Variants in WNT2B observed in about 807,000 individuals in gnomAD.
WNT2B encodes Wnt family member 2B.
WNT2B carries 19 observed loss-of-function variants against 40.5 expected under a neutral mutation model. The observed-to-expected ratio is 0.47, with a 90% CI of 0.33 to 0.69. The LOEUF is 0.69. Among genes scored for constraint, WNT2B ranks in the 30% least tolerant of loss-of-function variants. The probability of loss-of-function intolerance (pLI) is 0.02; values close to 1 mark genes in which losing one functional copy is unlikely to be tolerated. For synonymous variants in WNT2B, 220 were observed against 211.9 expected (o/e 1.04, Z -0.33); for missense variants, 467 against 556.4 (o/e 0.84, Z 1.62).
At position 112,520,437 on chromosome 1, in the gene WNT2B, G is replaced by A; in HGVS notation, c.1104G>A (p.Lys368=). 1 of 1,614,176 alleles carries A rather than the reference G, an allele frequency of 6.2e-7. No homozygotes were observed. Among genetic ancestry groups the A allele is most frequent in the Non-Finnish European group, 8.5e-7 (1 of 1,180,044 alleles). ...ACTGGTGCTGTGCTGTACGGTGCAA[G>A]GAATGCAGAAATACTGTGGACGTCC... ...KFHWCCAVRC[K]ECRNTVDVHT... Residue 368 remains lysine, a synonymous_variant, in exon 5 of 5, where the codon AAG becomes AAA. Transcript: ENST00000369684.
chr1:112,485,457 T>A (rs1651383398), intron 1 of WNT2B, among the ~76,000 whole-genome samples: 2 of 77,216 alleles, frequency 2.6e-5, no homozygotes, highest in Admixed American at 3.0e-4. Flanking sequence ...TGAGACTCTG[T>A]CTCAAAAAAA....
intron 1 of WNT2B, among the ~76,000 whole-genome samples, chr1:112,514,023 CAAT>C (rs1453491145): frequency 6.6e-6 from 1 of 152,182 alleles, no homozygotes; most frequent in African/African-American, 2.4e-5. Flanking sequence ...CCTTGAGAAA[CAAT>C]AATGACTCTG....
intron 1 of WNT2B, among the ~76,000 whole-genome samples, chr1:112,474,199 G>A (rs905060772): frequency 2.0e-5 from 3 of 152,118 alleles, no homozygotes; most frequent in African/African-American, 7.2e-5. Flanking sequence ...AGGCTGGAGT[G>A]TGGTGGCACA....
chr1:112,494,063 A>G (rs935666166), intron 1 of WNT2B, among the ~76,000 whole-genome samples: 2 of 152,002 alleles, frequency 1.3e-5, no homozygotes, highest in African/African-American at 4.8e-5. Context: ...TAATCCCAGC[A>G]CTTTGGGAGG....
upstream of WNT2B, chr1:112,508,898 C>T: frequency 9.5e-7 from 1 of 1,052,612 alleles, no homozygotes; most frequent in Non-Finnish European, 1.1e-6. This position sits in a 1 kb window ranked among gnomAD's most constrained non-coding sequence, Gnocchi z 4.2. Context: ...CTAAGGGCCG[C>T]GCGTGTCCCC....
At chr1:112,496,434 A>G (rs1651770467) in intron 1 of WNT2B, among the ~76,000 whole-genome samples, 1 of 152,084 alleles carries the variant, frequency 6.6e-6, no homozygotes, top group Non-Finnish European at 1.5e-5. Flanking sequence ...CATCAACTCA[A>G]AAGTCTAAGG....
At chr1:112,481,169 C>CAA (rs66462658) in intron 1 of WNT2B, among the ~76,000 whole-genome samples, 2 of 136,936 alleles carry the variant, frequency 1.5e-5, no homozygotes, top group Admixed American at 7.4e-5. Flanking sequence ...AATTTCGTCT[C>CAA]AAAAAAAAAA....
At chr1:112,467,775 C>T (rs998200950) in intron 1 of WNT2B, among the ~76,000 whole-genome samples, 3 of 152,172 alleles carry the variant, frequency 2.0e-5, no homozygotes, top group African/African-American at 7.2e-5. Flanking sequence ...GGGTATCCAT[C>T]ACCTTGAGTA....
chr1:112,500,391 A>C (rs1651910429), intron 1 of WNT2B, among the ~76,000 whole-genome samples: 1 of 152,182 alleles, frequency 6.6e-6, no homozygotes, highest in South Asian at 2.1e-4. Flanking sequence ...ATATGGTATT[A>C]ATATTAACAA....
chr1:112,471,182 G>A (rs968008519), intron 1 of WNT2B, among the ~76,000 whole-genome samples: 9 of 152,192 alleles, frequency 5.9e-5, no homozygotes, highest in Non-Finnish European at 1.2e-4. Context: ...CTGCAGCCAC[G>A]TACGTCTTGG....
intron 1 of WNT2B, among the ~76,000 whole-genome samples, chr1:112,498,086 C>G (rs545098523): frequency 6.7e-6 from 1 of 150,116 alleles, no homozygotes; most frequent in East Asian, 2.0e-4. Context: ...TCCCCCCCAA[C>G]CCCCGATAGG....
chr1:112,493,319 G>A (rs1651658386), intron 1 of WNT2B, among the ~76,000 whole-genome samples: 1 of 152,158 alleles, frequency 6.6e-6, no homozygotes, highest in Non-Finnish European at 1.5e-5. Context: ...TACCTCAAAA[G>A]AAACTTTCAA....
rs1291431886 is a variant in WNT2B, at chr1:112,509,011, C to G, written c.-252C>G. 1 of 1,342,348 alleles carries G rather than the reference C, an allele frequency of 7.4e-7. No homozygotes were observed. The highest frequency in any genetic ancestry group is 1.5e-5 in the African/African-American group (1 of 64,674). 83.2% of individuals were successfully genotyped at this position (1,342,348 alleles called of 1,614,324 possible). On this transcript the variant is annotated 5_prime_UTR_variant, in exon 1 of 5. Transcript: ENST00000369684. The surrounding 1 kb of genome is among the most constrained non-coding windows in gnomAD (Gnocchi z 4.2). ...CTTCAGCGCCGCAGACCCCCTGACACCGCACCCGGTCCTCAGGCAGCGCGC... is the reference window on the plus strand; with the variant it reads ...CTTCAGCGCCGCAGACCCCCTGACAGCGCACCCGGTCCTCAGGCAGCGCGC...
Position 112,509,344 on chromosome 1 carries a change from G to A in WNT2B, c.82G>A (p.Ala28Thr), listed in dbSNP as rs199522950. The A allele has an allele frequency of 1.3e-3, 2,085 of 1,592,690 alleles. No homozygotes were observed. Among genetic ancestry groups the A allele is most frequent in the Non-Finnish European group, 1.6e-3 (1,888 of 1,176,104 alleles). The change falls in exon 1 of 5, where the codon GCG (alanine) becomes ACG (threonine). Residue 28 changes from alanine to threonine, a missense_variant. Ala to Thr is a moderately conservative substitution (Grantham distance 58, BLOSUM62 0). This residue lies in a region of WNT2B where 137 missense variants were observed against 117.7 expected (regional missense o/e 1.16). Coordinates refer to ENST00000369684, the MANE Select transcript of WNT2B (RefSeq NM_024494.3). The surrounding 1 kb of genome is among the most constrained non-coding windows in gnomAD (Gnocchi z 4.2). Reference protein sequence around the residue: ...ASAPVPVPSPAAPDGSRASAR... With the variant: ...ASAPVPVPSPTAPDGSRASAR... ...CGCCCCGGTCCCTGTGCCGTCGCCC[G>A]CGGCCCCCGACGGCTCCCGGGCTTC...
rs1452472133 is a variant in WNT2B at position 112,509,255 on chromosome 1, G to A, written c.-8G>A. 9 of 1,515,272 alleles carry A rather than the reference G, an allele frequency of 5.9e-6. No homozygotes were observed. Among genetic ancestry groups the A allele is most frequent in the African/African-American group, 1.4e-5 (1 of 69,922 alleles). The allele number at this position is 1,515,272 out of a possible 1,614,324, so 93.9% of individuals were successfully genotyped here. A position where few individuals can be genotyped will look rare whatever the true frequency, so the allele number is the denominator to read the frequency against. ...TCCGGGCTGCGCGGCGGGAGTCTTC[G>A]GGGAGCTATGCTGAGACCGGGTGGT... is the stretch of plus-strand genomic sequence containing the variant. On this transcript the variant is annotated 5_prime_UTR_variant, in exon 1 of 5. Transcript: ENST00000369684. The surrounding 1 kb of genome is among the most constrained non-coding windows in gnomAD (Gnocchi z 4.2).
At position 112,501,311 on chromosome 1, in the gene WNT2B, T is replaced by G. The variant is rs539775348; in HGVS notation, c.-94-13563T>G. ...ACCTTGATCACCCAGTGAGGTTGTA[T>G]TTGTCAGCTTTCTCCACTGTGAAGT... On this transcript the variant is annotated intron_variant, in intron 1 of 4. Transcript: ENST00000256640. Among the ~76,000 whole-genome samples the G allele has an allele frequency of 3.9e-5, 6 of 152,322 alleles. No homozygotes were observed. In the South Asian group the frequency reaches 8.3e-4, roughly 21 times the overall value.
rs1652618024 is a variant in WNT2B at position 112,517,496 on chromosome 1, G to A, written c.946+111G>A. On this transcript the variant is annotated intron_variant, in intron 4 of 4. Transcript: ENST00000369684. ...AGTTAGGGAAGGGGGTGCTGTGGGA[G>A]GAGGCAGTTTCCTCTCCACATGAAC... 3 of 1,381,846 alleles carry A rather than the reference G, an allele frequency of 2.2e-6. No individual in the cohort carries two copies. The East Asian group carries it at 7.4e-5, about 34-fold the overall frequency. 85.6% of individuals were successfully genotyped at this position (1,381,846 alleles called of 1,614,324 possible).
upstream of WNT2B, among the ~76,000 whole-genome samples, chr1:112,508,588 C>A (rs889151268): frequency 6.6e-6 from 1 of 152,280 alleles, no homozygotes; most frequent in Non-Finnish European, 1.5e-5. This position sits in a 1 kb window ranked among gnomAD's most constrained non-coding sequence, Gnocchi z 4.2. Flanking sequence ...CCGTGCTCAG[C>A]GCCGGTGTCA....
At chr1:112,491,229 G>T (rs1048935480) in intron 1 of WNT2B, 2 of 716,088 alleles carry the variant, frequency 2.8e-6, no homozygotes, top group African/African-American at 3.6e-5. Context: ...CCAACATGGT[G>T]AAACTCCGTC....
Sources: allele counts gnomAD v4.1 joint callset (sites outside exome capture counted in the v4.1 genomes callset), GRCh38; gene constraint gnomAD v4.1.1; regional missense constraint gnomAD v4.1.1; non-coding constraint Gnocchi (gnomAD v3.1); transcripts MANE v1.5; gene names NCBI Gene and HGNC (gene_info 2026-07-23, HGNC 2026-07-21).